Variants in UBR1 observed in about 807,000 individuals in gnomAD.
The protein encoded by UBR1 is ubiquitin protein ligase E3 component n-recognin 1, also known as E3 ubiquitin-protein ligase UBR1.
In UBR1, 102 loss-of-function variants were observed where a neutral mutation model predicts 242.1. The ratio of observed to expected loss-of-function variants is 0.42; its 90% CI spans 0.36 to 0.50. UBR1 has a LOEUF of 0.50. UBR1 is among the 20% of genes least tolerant of loss of function. UBR1 has a pLI of 0.01. For synonymous variants in UBR1, 675 were observed against 684.8 expected (o/e 0.99, Z 0.22); for missense variants, 1,772 against 2,101.8 (o/e 0.84, Z 3.07).
intron 3 of UBR1, among the ~76,000 whole-genome samples, chr15:43,082,008 T>C (rs2033980375): frequency 6.6e-6 from 1 of 152,102 alleles, no homozygotes; most frequent in Admixed American, 6.5e-5. Context: ...GCACAATGTA[T>C]AATTTTATAT....
At position 43,022,897 on chromosome 15, in the gene UBR1, C is replaced by G. The variant is rs2033128505; in HGVS notation, c.2740-96G>C. 4 of 742,606 alleles carry G rather than the reference C, an allele frequency of 5.4e-6. No homozygotes were observed. The East Asian group carries it at 1.3e-4, about 24-fold the overall frequency. The allele number at this position is 742,606 out of a possible 1,614,324, so 46.0% of individuals were successfully genotyped here. On this transcript the variant is annotated intron_variant, in intron 25 of 46. Transcript: ENST00000290650. Reference sequence around the variant, plus strand: ...ATTTTTTTCAGAGACTGGTCTCACTCTGTCACCCAGGTTGGAGTGCAGTGG... The same window carrying G: ...ATTTTTTTCAGAGACTGGTCTCACTGTGTCACCCAGGTTGGAGTGCAGTGG...
At chr15:43,071,228 C>T (rs180855945) in intron 4 of UBR1, among the ~76,000 whole-genome samples, 206 of 152,284 alleles carry the variant, frequency 1.4e-3, no homozygotes, top group Non-Finnish European at 2.4e-3. Context: ...GATGATATCA[C>T]GTAACAACTG....
chr15:42,957,707 T>A (rs763006789), intron 44 of UBR1, among the ~76,000 whole-genome samples: 13 of 151,990 alleles, frequency 8.6e-5, no homozygotes, highest in Non-Finnish European at 1.9e-4. Context: ...AAACCTTGTC[T>A]CTATGAAAAA....
intron 12 of UBR1, among the ~76,000 whole-genome samples, chr15:43,053,157 A>T (rs2033576476): frequency 6.6e-6 from 1 of 152,100 alleles, no homozygotes. Flanking sequence ...TTAGGTTGGG[A>T]TAGAGGGGAG....
At chr15:43,058,129 C>T (rs1014092408) in intron 10 of UBR1, among the ~76,000 whole-genome samples, 3 of 152,150 alleles carry the variant, frequency 2.0e-5, no homozygotes, top group African/African-American at 7.2e-5. Flanking sequence ...AGGCTGGTCT[C>T]GAGCTCCTGA....
Position 42,991,605 on chromosome 15 carries a change from G to GA in UBR1, c.3758-1486dup, listed in dbSNP as rs201277141. Among the ~76,000 whole-genome samples the GA allele has an allele frequency of 5.0e-3, 735 of 148,354 alleles. 3 individuals carry two copies. Among genetic ancestry groups the GA allele is most frequent in the South Asian group, 0.017 (80 of 4,678 alleles). On this transcript the variant is annotated intron_variant, in intron 33 of 46. Transcript: ENST00000290650. The stretch of plus-strand genomic sequence containing the variant: ...ACTTCAATGACACAAATGTCAGGTT[G>GA]AAAAAAAAAATTGTCCCATAGACCC...
intron 1 of UBR1, among the ~76,000 whole-genome samples, chr15:43,091,720 TCAGGAGTTTGAGAC>T: frequency 6.6e-6 from 1 of 151,640 alleles, no homozygotes; most frequent in Non-Finnish European, 1.5e-5. Flanking sequence ...TCACTTGAGC[TCAGGAGTTTGAGAC>T]CAGCCTAGGC....
chr15:43,035,955 G>T (rs2033328941), intron 19 of UBR1, among the ~76,000 whole-genome samples: 1 of 150,860 alleles, frequency 6.6e-6, no homozygotes, highest in South Asian at 2.1e-4. Context: ...GCGAAGGATA[G>T]CATTGGGAGA....
intron 21 of UBR1, 92 bp from the exon 22 acceptor site, chr15:43,027,920 G>A (rs2033198213): frequency 1.0e-6 from 1 of 1,002,944 alleles, no homozygotes; most frequent in Non-Finnish European, 1.5e-6. Flanking sequence ...CATCTCTGAA[G>A]TACTTTGTAA....
At chr15:43,030,172 A>G in intron 20 of UBR1, 104 bp from the exon 21 acceptor site, 2 of 1,332,472 alleles carry the variant, frequency 1.5e-6, no homozygotes, top group Non-Finnish European at 1.0e-6. Flanking sequence ...ATTAAATTAA[A>G]TCTGTGAGAG....
At chr15:43,031,372 C>A (rs1349098384) in intron 20 of UBR1, among the ~76,000 whole-genome samples, 1 of 152,098 alleles carries the variant, frequency 6.6e-6, no homozygotes, top group African/African-American at 2.4e-5. Context: ...AGATTCTTTA[C>A]ATAGCACTCT....
chr15:43,035,544 T>C (rs1160038147), intron 19 of UBR1, among the ~76,000 whole-genome samples: 1 of 150,238 alleles, frequency 6.7e-6, no homozygotes, highest in East Asian at 1.9e-4. Context: ...GTCAGATGAG[T>C]AGGTTGCGAA....
chr15:42,985,043 A>T, intron 35 of UBR1, 101 bp from the exon 36 acceptor site: 3 of 1,003,328 alleles, frequency 3.0e-6, no homozygotes, highest in Non-Finnish European at 4.3e-6. Flanking sequence ...TTTTGATGAG[A>T]TGATTTGCAT....
intron 45 of UBR1, among the ~76,000 whole-genome samples, chr15:42,951,016 T>G (rs2031825015): frequency 6.6e-6 from 1 of 152,180 alleles, no homozygotes; most frequent in Non-Finnish European, 1.5e-5. Context: ...AATAGGTGTT[T>G]GGGTTTGGCT....
intron 37 of UBR1, among the ~76,000 whole-genome samples, chr15:42,978,296 C>T (rs1166792379): frequency 1.3e-5 from 2 of 152,254 alleles, no homozygotes; most frequent in South Asian, 2.1e-4. Context: ...TTCTGACTTC[C>T]ATTTCTAAAC....
At chr15:43,053,322 G>T (rs2033578381) in intron 12 of UBR1, among the ~76,000 whole-genome samples, 5 of 152,126 alleles carry the variant, frequency 3.3e-5, no homozygotes, top group Admixed American at 2.6e-4. Flanking sequence ...TAAAACAAGT[G>T]ATTATGCACC....
chr15:43,087,019 C>G (rs2034045115), intron 1 of UBR1, among the ~76,000 whole-genome samples: 1 of 152,136 alleles, frequency 6.6e-6, no homozygotes, highest in Non-Finnish European at 1.5e-5. Flanking sequence ...TCTTAAAAAA[C>G]AAACAAAAGA....
chr15:43,086,438 A>G (rs954539204), intron 1 of UBR1, among the ~76,000 whole-genome samples, 198 bp from the exon 2 acceptor site: 12 of 121,294 alleles, frequency 9.9e-5, no homozygotes, highest in Admixed American at 5.4e-4. Flanking sequence ...CCAGTATCTG[A>G]AAAAAAAAAA....
At chr15:43,040,197 T>C (rs1419045117) in intron 15 of UBR1, among the ~76,000 whole-genome samples, 1 of 152,142 alleles carries the variant, frequency 6.6e-6, no homozygotes. Context: ...GACTTCAAAC[T>C]ATACTACAAG....
Sources: gnomAD v4.1 joint callset for allele counts (sites outside exome capture counted in the v4.1 genomes callset) on GRCh38, gnomAD v4.1.1 for gene constraint, MANE v1.5 for transcripts, NCBI Gene and HGNC (gene_info 2026-07-23, HGNC 2026-07-21) for gene names.